The following SMAD4 variants were observed in gnomAD, a reference collection of about 807,000 sequenced individuals.
SMAD4 encodes the protein MAD homolog 4.
In SMAD4, 7 loss-of-function variants were observed where a neutral mutation model predicts 63.2. The observed-to-expected ratio is 0.11, with a 90% CI of 0.06 to 0.21. The LOEUF (loss-of-function observed/expected upper bound fraction) is 0.21, where lower values mean the gene tolerates loss of function less well. Ranked by LOEUF, SMAD4 falls within the 10% of genes least tolerant of loss-of-function variation. SMAD4 has a pLI of 1.00. For synonymous variants in SMAD4, 215 were observed against 235.4 expected, an observed-to-expected ratio of 0.91 and a Z score of 0.79; for missense variants, 312 against 693.8, an observed-to-expected ratio of 0.45 and a Z score of 6.18.
chr18:51,047,760 A>G (rs1030816247), intron 2 of SMAD4, among the ~76,000 whole-genome samples: 1 of 151,978 alleles, frequency 6.6e-6, no homozygotes, highest in Non-Finnish European at 1.5e-5. Context: ...AGGCAAGTGC[A>G]ACCATGCCTG....
At chr18:51,060,036 A>T (rs753776689) in intron 8 of SMAD4, 120 bp downstream of exon 8, 11 of 756,068 alleles carry the variant, frequency 1.5e-5, no homozygotes, top group African/African-American at 3.4e-5. Context: ...AATACTCATC[A>T]TGACATGAGT....
intron 9 of SMAD4, among the ~76,000 whole-genome samples, chr18:51,066,011 TATG>T (rs1910139980): frequency 1.3e-5 from 2 of 151,900 alleles, no homozygotes; most frequent in African/African-American, 2.4e-5. Context: ...TTAAGTAAAT[TATG>T]ATAAATTTTT....
chr18:51,061,509 A>G (rs752425187), intron 8 of SMAD4, among the ~76,000 whole-genome samples: 1 of 152,134 alleles, frequency 6.6e-6, no homozygotes, highest in East Asian at 1.9e-4. Flanking sequence ...AGTTCTATCC[A>G]TGTTGTCTCA....
intron 1 of SMAD4, among the ~76,000 whole-genome samples, chr18:51,038,259 G>T (rs1024348225): frequency 2.0e-5 from 3 of 149,218 alleles, no homozygotes; most frequent in Non-Finnish European, 4.5e-5. Context: ...TGTGGGGGGG[G>T]GGGCAGTATG....
In SMAD4 at chr18:51,056,507, T is replaced by G. The variant is rs530351146; in HGVS notation, c.667+1514T>G. Among the ~76,000 whole-genome samples the G allele has an allele frequency of 2.6e-5, 4 of 151,588 alleles. No homozygotes were observed. The East Asian group carries it at 7.8e-4, about 29-fold the overall frequency. On this transcript the variant is annotated intron_variant, in intron 5 of 11. Transcript: ENST00000342988. ...GGTGGCATGCGCCTGTAGTCCCAGC[T>G]GCTCCGGGGGCTGAGGCAGGAGAAA...
In SMAD4 at chr18:51,084,005, C is replaced by T. The variant is rs1262563696; in HGVS notation, c.*5538C>T. ...TAAACACTTAACGCGCGTGCGCACG[C>T]GCGCGCGCACACACACACACACACA... On this transcript the variant is annotated 3_prime_UTR_variant, in exon 12 of 12. Coordinates refer to ENST00000342988, the MANE Select transcript of SMAD4 (RefSeq NM_005359.6). 18 of 110,580 alleles carry T rather than the reference C, an allele frequency of 1.6e-4. No homozygotes were observed. Among genetic ancestry groups the T allele is most frequent in the Admixed American group, 5.1e-4 (3 of 5,914 alleles). The allele number at this position is 110,580 out of a possible 1,614,324, so 6.8% of individuals were successfully genotyped here. A position where few individuals can be genotyped will look rare whatever the true frequency, so the allele number is the denominator to read the frequency against.
chr18:51,038,261 G>GT (rs1182204018), intron 1 of SMAD4, among the ~76,000 whole-genome samples: 4 of 147,838 alleles, frequency 2.7e-5, no homozygotes, highest in Non-Finnish European at 6.0e-5. Flanking sequence ...TGGGGGGGGG[G>GT]GCAGTATGAG....
At chr18:51,077,793 G>A (rs1025566466) in intron 11 of SMAD4, among the ~76,000 whole-genome samples, 1 of 152,100 alleles carries the variant, frequency 6.6e-6, no homozygotes, top group Admixed American at 6.5e-5. Context: ...CTTTGAAATT[G>A]AGAGAGAGAC....
intron 10 of SMAD4, among the ~76,000 whole-genome samples, chr18:51,074,585 C>A (rs932260005): frequency 6.6e-6 from 1 of 152,036 alleles, no homozygotes; most frequent in Non-Finnish European, 1.5e-5. Context: ...TTGATAGTGG[C>A]GGAAGGTTGG....
chr18:51,071,056 C>T (rs1339138564), intron 10 of SMAD4, among the ~76,000 whole-genome samples: 1 of 152,050 alleles, frequency 6.6e-6, no homozygotes, highest in Non-Finnish European at 1.5e-5. Flanking sequence ...TGGAACATAT[C>T]CCCCATAGAT....
chr18:51,074,212 CAAAAAA>C (rs533055652), intron 10 of SMAD4, among the ~76,000 whole-genome samples: 1 of 88,118 alleles, frequency 1.1e-5, no homozygotes, highest in Non-Finnish European at 2.4e-5. Flanking sequence ...TCATCTCTAC[CAAAAAA>C]AAAAAAAAAA....
intron 10 of SMAD4, among the ~76,000 whole-genome samples, chr18:51,070,718 A>T (rs1388290599): frequency 1.3e-5 from 2 of 152,072 alleles, no homozygotes; most frequent in Admixed American, 1.3e-4. Context: ...TCTGCTTGGG[A>T]TGTAAAACCT....
chr18:51,079,865 A>G lies in SMAD4; in HGVS notation c.*1398A>G. The stretch of plus-strand genomic sequence containing the variant: ...TCTCAGTGATGAGGTACCTTCTACT[A>G]AATGACAGGCAACAGCCAGTTCTAT... On this transcript the variant is annotated 3_prime_UTR_variant, in exon 12 of 12. Transcript: ENST00000342988. 4.3e-6 allele frequency: 1 copy of G among 232,696 alleles called. No individual in the cohort carries two copies. The highest frequency in any genetic ancestry group is 8.5e-6 in the Non-Finnish European group (1 of 117,750). 14.4% of individuals were successfully genotyped at this position (232,696 alleles called of 1,614,324 possible).
At chr18:51,071,516 C>T (rs1292795809) in intron 10 of SMAD4, among the ~76,000 whole-genome samples, 1 of 152,076 alleles carries the variant, frequency 6.6e-6, no homozygotes, top group African/African-American at 2.4e-5. Context: ...TGTTTGAATT[C>T]TCTTTAAGTG....
chr18:51,048,720 A>T lies in SMAD4; in HGVS notation c.284A>T (p.Tyr95Phe), dbSNP rs1460631652. ...AGRKGFPHVI[Y>F]ARLWRWPDLH... ...CGGAAAGGATTTCCTCATGTGATCT[A>T]TGCCCGTCTCTGGAGGTGGCCTGAT... is the stretch of plus-strand genomic sequence containing the variant. The change falls in exon 3 of 12, where the codon TAT (tyrosine) becomes TTT (phenylalanine). Residue 95 changes from tyrosine to phenylalanine, a missense_variant. This residue lies in a region of SMAD4 where 14 missense variants were observed against 89.6 expected (regional missense o/e 0.16). Transcript: ENST00000342988. 1 of 1,614,172 alleles carries T rather than the reference A, an allele frequency of 6.2e-7. No individual in the cohort carries two copies. Among genetic ancestry groups the T allele is most frequent in the Non-Finnish European group, 8.5e-7 (1 of 1,180,018 alleles).
intron 1 of SMAD4, among the ~76,000 whole-genome samples, chr18:51,034,731 G>A (rs1909155146): frequency 6.6e-6 from 1 of 151,906 alleles, no homozygotes; most frequent in South Asian, 2.1e-4. Flanking sequence ...TTTTTGTAGA[G>A]ATGGGGGTCT....
chr18:51,048,113 A>G (rs1316598578), intron 2 of SMAD4, among the ~76,000 whole-genome samples: 1 of 152,210 alleles, frequency 6.6e-6, no homozygotes, highest in Non-Finnish European at 1.5e-5. Context: ...TTATTTCAAG[A>G]CTTTACACAT....
chr18:51,062,408 C>CT (rs1910037522), intron 8 of SMAD4, among the ~76,000 whole-genome samples: 1 of 152,202 alleles, frequency 6.6e-6, no homozygotes, highest in African/African-American at 2.4e-5. Flanking sequence ...AATTTTGTCT[C>CT]TGTCAAAACC....
At chr18:51,059,976 C>T in intron 8 of SMAD4, 60 bp downstream of exon 8, 2 of 1,245,034 alleles carry the variant, frequency 1.6e-6, no homozygotes, top group Non-Finnish European at 2.4e-6. Context: ...GATTGAAACG[C>T]ACAAACACAG....
Sources: gnomAD v4.1 joint callset for allele counts (sites outside exome capture counted in the v4.1 genomes callset) on GRCh38, gnomAD v4.1.1 for gene constraint, gnomAD v4.1.1 regional missense constraint, MANE v1.5 for transcripts, NCBI Gene and HGNC (gene_info 2026-07-23, HGNC 2026-07-21) for gene names.